Variants in CSN2 observed in about 807,000 individuals in gnomAD.
CSN2 encodes the protein beta-casein.
In CSN2, 27 loss-of-function variants were observed where a neutral mutation model predicts 27.3. The observed-to-expected ratio is 0.99, with a 90% CI of 0.73 to 1.36. The LOEUF is 1.36. CSN2 is among the 40% of genes most tolerant of loss of function. The pLI is 0.00. For synonymous variants in CSN2, 131 were observed against 94.8 expected (o/e 1.38, Z -2.22); for missense variants, 333 against 264.5 (o/e 1.26, Z -1.80).
intron 1 of CSN2, among the ~76,000 whole-genome samples, chr4:69,964,559 T>C (rs1374683345): frequency 2.0e-5 from 3 of 151,782 alleles, no homozygotes; most frequent in Non-Finnish European, 2.9e-5. Context: ...AAATATTTTT[T>C]CTAGATTTTT....
Position 69,960,977 on chromosome 4 carries a change from C to A in CSN2, c.19G>T (p.Ala7Ser). 3 of 1,612,386 alleles carry A rather than the reference C, an allele frequency of 1.9e-6. No individual in the cohort carries two copies. Among genetic ancestry groups the A allele is most frequent in the Non-Finnish European group, 2.5e-6 (3 of 1,179,068 alleles). The change falls in exon 2 of 8, where the codon GCC becomes TCC. Residue 7 changes from alanine (A) to serine (S), a missense_variant. Ala to Ser is a moderately conservative substitution (Grantham distance 99). Coordinates refer to ENST00000353151, the MANE Select transcript of CSN2 (RefSeq NM_001891.4). Reference sequence around the variant, plus strand: ...GCAAGAGCAAGAGCCACCAGGCAGGCGAGGATGAGGACCTTCATGGCTACT... The same window carrying A: ...GCAAGAGCAAGAGCCACCAGGCAGGAGAGGATGAGGACCTTCATGGCTACT... MKVLIL[A>S]CLVALALARE...
At chr4:69,964,083 C>T (rs1449228156) in intron 1 of CSN2, among the ~76,000 whole-genome samples, 1 of 152,088 alleles carries the variant, frequency 6.6e-6, no homozygotes, top group Non-Finnish European at 1.5e-5. Context: ...CTTTATTGGA[C>T]TATTGAGTTT....
At chr4:69,959,989 G>A in intron 3 of CSN2, 64 bp downstream of exon 3, 2 of 1,449,736 alleles carry the variant, frequency 1.4e-6, no homozygotes, top group Non-Finnish European at 1.9e-6. Context: ...CTGCCATGAT[G>A]TAACACCATA....
intron 1 of CSN2, 112 bp from the exon 2 acceptor site, chr4:69,961,119 C>T: frequency 3.3e-6 from 2 of 606,486 alleles, no homozygotes; most frequent in Non-Finnish European, 2.9e-6. Context: ...TAATATATAA[C>T]AAAAATATCT....
rs771143860 is a variant in CSN2, at chr4:69,960,082, G to A, written c.52-3C>T. On this transcript the variant is annotated splice_region_variant and splice_polypyrimidine_tract_variant and intron_variant, in intron 2 of 7. Transcript: ENST00000353151. ...CTGCTTGAAAGGCTTTCTATGGTCT[G>A]TGGGAAAAAAAAATTGACAACCAGC... The A allele has an allele frequency of 1.9e-6, 3 of 1,610,484 alleles. No homozygotes were observed. The highest frequency in any genetic ancestry group is 3.4e-5 in the Admixed American group (2 of 59,680).
intron 3 of CSN2, among the ~76,000 whole-genome samples, chr4:69,959,498 C>A (rs760820662): frequency 2.0e-5 from 3 of 151,990 alleles, no homozygotes; most frequent in Non-Finnish European, 4.4e-5. Flanking sequence ...ATTGATGTAC[C>A]ATTTACTTAT....
At chr4:69,960,014 G>T in intron 3 of CSN2, 39 bp downstream of exon 3, 1 of 1,589,332 alleles carries the variant, frequency 6.3e-7, no homozygotes, top group East Asian at 2.2e-5. Context: ...AATAGCACAG[G>T]ATTTTACTGT....
chr4:69,964,905 A>G (rs1004236028), intron 1 of CSN2, among the ~76,000 whole-genome samples: 2 of 151,328 alleles, frequency 1.3e-5, no homozygotes, highest in African/African-American at 4.8e-5. Flanking sequence ...ATACTTTTAT[A>G]TACTAATTTT....
chr4:69,963,147 A>G (rs547252767), intron 1 of CSN2, among the ~76,000 whole-genome samples: 1 of 152,296 alleles, frequency 6.6e-6, no homozygotes, highest in East Asian at 1.9e-4. Context: ...GGGACTGTAA[A>G]CTAGTTCAAC....
intron 6 of CSN2, among the ~76,000 whole-genome samples, chr4:69,957,035 G>A (rs1471799560): frequency 1.3e-5 from 2 of 152,082 alleles, no homozygotes; most frequent in African/African-American, 4.8e-5. Context: ...GATAGCATTA[G>A]GAGATATACC....
chr4:69,961,567 T>C (rs908662083), intron 1 of CSN2, among the ~76,000 whole-genome samples: 1 of 152,170 alleles, frequency 6.6e-6, no homozygotes, highest in Non-Finnish European at 1.5e-5. Flanking sequence ...AATTTAGGTA[T>C]TGATGGGACA....
chr4:69,956,582 A>C (rs1723403374), intron 6 of CSN2, among the ~76,000 whole-genome samples: 1 of 152,184 alleles, frequency 6.6e-6, no homozygotes, highest in Non-Finnish European at 1.5e-5. Flanking sequence ...TAGTGAAATA[A>C]GCATCTCAGT....
rs936242192 is a variant in CSN2 at position 69,955,572 on chromosome 4, T to C, written c.*57A>G. On this transcript the variant is annotated 3_prime_UTR_variant, in exon 8 of 8. Transcript: ENST00000353151. ...TGATACAAAGACGGAAAAGGCATCATATTTCCAGTCTCAGTCAATTCTGTG... is the reference window on the plus strand; with the variant it reads ...TGATACAAAGACGGAAAAGGCATCACATTTCCAGTCTCAGTCAATTCTGTG... 1.3e-5 allele frequency: 2 copies of C among 152,538 alleles called. No homozygotes were observed. The highest frequency in any genetic ancestry group is 4.8e-5 in the African/African-American group (2 of 41,460). 9.4% of individuals were successfully genotyped at this position (152,538 alleles called of 1,614,324 possible). A position where few individuals can be genotyped will look rare whatever the true frequency, so the allele number is the denominator to read the frequency against.
intron 6 of CSN2, among the ~76,000 whole-genome samples, chr4:69,956,676 G>A (rs1036375818): frequency 1.3e-5 from 2 of 152,090 alleles, no homozygotes; most frequent in African/African-American, 2.4e-5. Flanking sequence ...GAAAATGACA[G>A]AACATTTTTT....
chr4:69,965,379 TTTAATA>T (rs1303679904), intron 1 of CSN2, among the ~76,000 whole-genome samples: 2 of 142,488 alleles, frequency 1.4e-5, no homozygotes, highest in Non-Finnish European at 3.0e-5. Flanking sequence ...TGAATCTCCT[TTTAATA>T]TTAACTATGA....
intron 3 of CSN2, among the ~76,000 whole-genome samples, 159 bp from the exon 4 acceptor site, chr4:69,959,228 G>A (rs1472109182): frequency 1.3e-5 from 2 of 151,870 alleles, no homozygotes; most frequent in African/African-American, 4.8e-5. Context: ...AGCTTGTTAT[G>A]TAAAAGAAAG....
intron 5 of CSN2, among the ~76,000 whole-genome samples, 193 bp downstream of exon 5, chr4:69,958,716 T>C (rs1369048903): frequency 1.3e-5 from 2 of 152,080 alleles, no homozygotes; most frequent in Non-Finnish European, 2.9e-5. Context: ...AGAAATTAAT[T>C]ATGAGTTTAA....
Position 69,957,623 on chromosome 4 carries a change from T to C in CSN2, c.326A>G (p.Tyr109Cys). 1 of 1,613,968 alleles carries C rather than the reference T, an allele frequency of 6.2e-7. No homozygotes were observed. The highest frequency in any genetic ancestry group is 8.5e-7 in the Non-Finnish European group (1 of 1,179,988). The change falls in exon 6 of 8, where the codon TAC becomes TGC. Residue 109 changes from tyrosine (Y) to cysteine (C), a missense_variant. Transcript: ENST00000353151. Reference protein sequence around the residue: ...MEVPKAKDTVYTKGRVMPVLK... With the variant: ...MEVPKAKDTVCTKGRVMPVLK... ...GACAGGCATCACTCTGCCCTTAGTGTAGACAGTGTCTTTAGCTTTAGGGAC... is the reference window on the plus strand; with the variant it reads ...GACAGGCATCACTCTGCCCTTAGTGCAGACAGTGTCTTTAGCTTTAGGGAC...
chr4:69,964,586 G>A (rs1446125804), intron 1 of CSN2, among the ~76,000 whole-genome samples: 3 of 151,458 alleles, frequency 2.0e-5, no homozygotes, highest in Non-Finnish European at 4.4e-5. Context: ...TGTTAATTAA[G>A]TTTTTATTAA....
Sources: allele counts gnomAD v4.1 joint callset (sites outside exome capture counted in the v4.1 genomes callset), GRCh38; gene constraint gnomAD v4.1.1; transcripts MANE v1.5; gene names NCBI Gene and HGNC (gene_info 2026-07-23, HGNC 2026-07-21).